The following TYW2 variants were observed in gnomAD, a reference collection of about 807,000 sequenced individuals.
The protein encoded by TYW2 is tRNA wybutosine-synthesizing protein 2 homolog.
the TYW2 span, chr8:124,452,169 A>G: frequency 1.9e-6 from 3 of 1,614,240 alleles, no homozygotes; most frequent in African/African-American, 1.3e-5. Context: ...ATGGGAAACC[A>G]TGGAAGACAC....
At chr8:124,451,062 A>G in the TYW2 span, 5 of 1,614,164 alleles carry the variant, frequency 3.1e-6, no homozygotes, top group Non-Finnish European at 4.2e-6. Flanking sequence ...TCTTTGATAC[A>G]CAGCACCGTG....
the TYW2 span, chr8:124,452,215 C>T: frequency 6.2e-7 from 1 of 1,614,128 alleles, no homozygotes; most frequent in Non-Finnish European, 8.5e-7. Flanking sequence ...ATCCTATGCT[C>T]CCCATGTGGA....
the TYW2 span, chr8:124,452,873 A>G: frequency 6.0e-6 from 1 of 167,216 alleles, no homozygotes; most frequent in Non-Finnish European, 1.5e-5. Context: ...ATCAGAATTA[A>G]GTCCTTAACA....
At chr8:124,451,252 C>T in the TYW2 span, 1 of 1,614,106 alleles carries the variant, frequency 6.2e-7, no homozygotes, top group Non-Finnish European at 8.5e-7. Context: ...AAAATTGTGT[C>T]TTGAGGTGAG....
chr8:124,450,918 C>A, the TYW2 span: 1 of 1,607,934 alleles, frequency 6.2e-7, no homozygotes, highest in Admixed American at 1.7e-5. Flanking sequence ...GATGGAGTAT[C>A]GCTGAGGTGA....
the TYW2 span, chr8:124,451,729 C>A: frequency 9.1e-5 from 147 of 1,614,004 alleles, no homozygotes; most frequent in Non-Finnish European, 1.2e-4. Flanking sequence ...TGAGTGGAAT[C>A]CCCATGCTGT....
chr8:124,452,106 A>G, the TYW2 span: 6 of 1,614,146 alleles, frequency 3.7e-6, no homozygotes, highest in Admixed American at 5.0e-5. Context: ...CAGAGTGGCA[A>G]AGGTGGGCAG....
At chr8:124,451,603 C>G in the TYW2 span, 2 of 1,614,192 alleles carry the variant, frequency 1.2e-6, no homozygotes, top group African/African-American at 2.7e-5. Flanking sequence ...CACTGAGAAG[C>G]TTCGAGTGGC....
the TYW2 span, chr8:124,452,160 T>C: frequency 1.2e-6 from 2 of 1,614,066 alleles, no homozygotes; most frequent in Non-Finnish European, 1.7e-6. Flanking sequence ...AGCAGGTGCA[T>C]GGGAAACCAT....
chr8:124,452,353 C>G, the TYW2 span: 1 of 1,432,188 alleles, frequency 7.0e-7, no homozygotes, highest in Non-Finnish European at 9.5e-7. Context: ...GTTGTCATCC[C>G]TTTTGTCCCC....
chr8:124,450,968 G>A, the TYW2 span: 3 of 1,614,204 alleles, frequency 1.9e-6, no homozygotes, highest in Admixed American at 1.7e-5. Flanking sequence ...GAGAGAGAAA[G>A]TGGGAAGCCC....
At chr8:124,451,642 G>T in the TYW2 span, 3 of 1,614,224 alleles carry the variant, frequency 1.9e-6, no homozygotes, top group Non-Finnish European at 2.5e-6. Flanking sequence ...AGAAGTGCTG[G>T]TGGATCTCTA....
chr8:124,452,136 C>A, the TYW2 span: 12 of 1,614,230 alleles, frequency 7.4e-6, no homozygotes, highest in East Asian at 1.3e-4. Flanking sequence ...AAACTCGAAT[C>A]GCCACTCTTC....
At chr8:124,452,315 G>A in the TYW2 span, 1 of 1,592,168 alleles carries the variant, frequency 6.3e-7, no homozygotes. Context: ...ACGTGCGAGT[G>A]GCCCTTAAAT....
At chr8:124,452,525 A>G in the TYW2 span, 1 of 462,704 alleles carries the variant, frequency 2.2e-6, no homozygotes, top group Non-Finnish European at 3.9e-6. Flanking sequence ...TATGAATTCC[A>G]AATTCTGACC....
chr8:124,452,196 A>C, the TYW2 span: 2 of 1,614,216 alleles, frequency 1.2e-6, no homozygotes, highest in Non-Finnish European at 1.7e-6. Context: ...TGCACATCCA[A>C]CCAGTGAAAT....
the TYW2 span, chr8:124,451,743 T>TGCTCTGAG: frequency 6.2e-7 from 1 of 1,614,186 alleles, no homozygotes; most frequent in Non-Finnish European, 8.5e-7. Context: ...ATGCTGTAGT[T>TGCTCTGAG]GCTCTGAGAA....
At chr8:124,451,162 G>T in the TYW2 span, 11 of 1,614,064 alleles carry the variant, frequency 6.8e-6, no homozygotes, top group East Asian at 2.2e-5. Flanking sequence ...GAATCGTGTT[G>T]CCCCAGGCAG....
At chr8:124,452,306 C>T in the TYW2 span, 8 of 1,598,226 alleles carry the variant, frequency 5.0e-6, no homozygotes, top group Non-Finnish European at 6.8e-6. Context: ...ATGGGATCCA[C>T]GTGCGAGTGG....
Sources: allele counts gnomAD v4.1 joint callset, GRCh38; gene constraint gnomAD v4.1.1; transcripts MANE v1.5; gene names NCBI Gene and HGNC (gene_info 2026-07-23, HGNC 2026-07-21).